DCC: variants seen among roughly 807,000 people sequenced by gnomAD.
DCC encodes netrin receptor DCC.
Under a neutral mutation model 172.5 loss-of-function variants are expected in DCC, and 58 were observed. That is an observed-to-expected ratio of 0.34 (90% CI 0.27 to 0.42). The LOEUF (loss-of-function observed/expected upper bound fraction) is 0.42. DCC is among the 10% of genes least tolerant of loss of function. The pLI is 1.00. For synonymous variants in DCC, 709 were observed against 644.5 expected, an observed-to-expected ratio of 1.10 and a Z score of -1.52; for missense variants, 1,740 against 1,791.0, an observed-to-expected ratio of 0.97 and a Z score of 0.51.
At chr18:52,968,113 T>A (rs2040965600) in intron 5 of DCC, among the ~76,000 whole-genome samples, 1 of 152,154 alleles carries the variant, frequency 6.6e-6, no homozygotes, top group African/African-American at 2.4e-5. Flanking sequence ...TTAGAATAGA[T>A]TTTGGTATTA....
chr18:53,322,126 T>C lies in DCC; in HGVS notation c.2133T>C (p.Tyr711=), dbSNP rs753258982. 3.1e-6 allele frequency: 5 copies of C among 1,589,102 alleles called. No homozygotes were observed. The highest frequency in any genetic ancestry group is 1.3e-5 in the African/African-American group (1 of 74,534). Residue 711 remains tyrosine (Y), a synonymous_variant, in exon 14 of 29, where the codon TAT becomes TAC. Coordinates refer to ENST00000442544, the MANE Select transcript of DCC (RefSeq NM_005215.4). ...VNGTGPPSNW[Y]TAETPENDLD... is the part of the protein sequence containing the mutation. Reference sequence around the variant, plus strand: ...GTACTGGACCACCTTCCAACTGGTATACTGCAGAGACTCCAGAGAATGATC... The same window carrying C: ...GTACTGGACCACCTTCCAACTGGTACACTGCAGAGACTCCAGAGAATGATC...
intron 1 of DCC, among the ~76,000 whole-genome samples, chr18:52,617,705 T>C (rs965126802): frequency 6.6e-6 from 1 of 152,190 alleles, no homozygotes; most frequent in African/African-American, 2.4e-5. Context: ...TCTCTTACTT[T>C]TTTTTAAATA....
intron 2 of DCC, among the ~76,000 whole-genome samples, chr18:52,758,253 A>T (rs2145143941): frequency 6.6e-6 from 1 of 152,332 alleles, no homozygotes; most frequent in Non-Finnish European, 1.5e-5. Flanking sequence ...TGATCTTTCT[A>T]GGAACACAAT....
chr18:52,491,506 T>C (rs2030500781), intron 1 of DCC, among the ~76,000 whole-genome samples: 1 of 152,188 alleles, frequency 6.6e-6, no homozygotes, highest in South Asian at 2.1e-4. Context: ...TTTATTTTAT[T>C]TTTCAAAATA....
rs368622647 is a variant in DCC, at chr18:52,898,316, C to T, written c.413-7728C>T. Among the ~76,000 whole-genome samples, 6 of 152,234 alleles carry T rather than the reference C, an allele frequency of 3.9e-5. No individual in the cohort carries two copies. The South Asian group carries it at 8.3e-4, about 21-fold the overall frequency. On this transcript the variant is annotated intron_variant, in intron 2 of 28. Coordinates refer to ENST00000442544, the MANE Select transcript of DCC (RefSeq NM_005215.4). ...CTGCCAAGAAGGCTAGAGGGCAAAT[C>T]GGAAGAATGTGCCATTTTCAGATTA...
intron 9 of DCC, among the ~76,000 whole-genome samples, chr18:53,199,449 A>G (rs1008939113): frequency 6.6e-6 from 1 of 152,122 alleles, no homozygotes; most frequent in African/African-American, 2.4e-5. Context: ...GCTCATGTGC[A>G]TGTAATGTAT....
chr18:52,354,822 T>G (rs1395054419), intron 1 of DCC, among the ~76,000 whole-genome samples: 1 of 152,232 alleles, frequency 6.6e-6, no homozygotes, highest in Admixed American at 6.5e-5. Context: ...AGGTTTATTC[T>G]GTTTTCTTTT....
intron 14 of DCC, among the ~76,000 whole-genome samples, chr18:53,329,997 T>C (rs1157923982): frequency 6.6e-6 from 1 of 152,220 alleles, no homozygotes; most frequent in Non-Finnish European, 1.5e-5. Flanking sequence ...CCAGTACTTT[T>C]AGCAGAACAG....
intron 17 of DCC, 145 bp downstream of exon 17, chr18:53,392,032 T>C (rs1908581362): frequency 1.5e-6 from 1 of 670,698 alleles, no homozygotes; most frequent in Non-Finnish European, 2.7e-6. Flanking sequence ...ACTCAATATC[T>C]AAGATTAACA....
At chr18:52,946,264 C>A (rs1031857447) in intron 5 of DCC, among the ~76,000 whole-genome samples, 1 of 152,162 alleles carries the variant, frequency 6.6e-6, no homozygotes. Flanking sequence ...AGAGATCAGC[C>A]TATTAATCCA....
At chr18:52,918,998 G>A (rs1359290885) in intron 3 of DCC, among the ~76,000 whole-genome samples, 1 of 152,114 alleles carries the variant, frequency 6.6e-6, no homozygotes. Context: ...TTTCTCTGCT[G>A]GTTACACTTG....
chr18:52,500,324 A>C (rs955823215), intron 1 of DCC, among the ~76,000 whole-genome samples: 12 of 152,184 alleles, frequency 7.9e-5, no homozygotes, highest in African/African-American at 2.9e-4. Flanking sequence ...GACTGAACAG[A>C]AACACTTTGA....
intron 7 of DCC, among the ~76,000 whole-genome samples, chr18:53,104,824 G>A (rs189557029): frequency 7.2e-5 from 11 of 152,108 alleles, no homozygotes; most frequent in Middle Eastern, 3.4e-3. Flanking sequence ...CTTGGGTCCC[G>A]AATGCTCAAG....
chr18:53,386,528 G>A (rs1338857930), intron 16 of DCC, among the ~76,000 whole-genome samples: 5 of 152,092 alleles, frequency 3.3e-5, no homozygotes, highest in African/African-American at 2.4e-5. Flanking sequence ...GTTGCCAAAT[G>A]CCTAAATAGA....
At chr18:52,342,864 A>T (rs1230724561) in intron 1 of DCC, among the ~76,000 whole-genome samples, 1 of 124,694 alleles carries the variant, frequency 8.0e-6, no homozygotes, top group Non-Finnish European at 1.6e-5. Context: ...TGTCTAAATT[A>T]ATTAAATATT....
chr18:53,340,287 T>C (rs1366427067), intron 15 of DCC, among the ~76,000 whole-genome samples: 3 of 152,180 alleles, frequency 2.0e-5, no homozygotes, highest in African/African-American at 7.2e-5. Flanking sequence ...GTCAACACAT[T>C]TTTCATCTTT....
chr18:52,907,342 A>G (rs1193077717), intron 3 of DCC, among the ~76,000 whole-genome samples: 28 of 150,480 alleles, frequency 1.9e-4, no homozygotes, highest in African/African-American at 2.4e-5. Flanking sequence ...GGATATATAC[A>G]TATATCATGT....
chr18:53,353,140 G>A (rs1267915496), intron 15 of DCC, among the ~76,000 whole-genome samples: 1 of 151,980 alleles, frequency 6.6e-6, no homozygotes. Flanking sequence ...AGCCAGATGT[G>A]GTGACACATG....
At chr18:52,635,207 T>TCATGAGG in intron 1 of DCC, among the ~76,000 whole-genome samples, 1 of 152,196 alleles carries the variant, frequency 6.6e-6, no homozygotes, top group Admixed American at 6.5e-5. Context: ...CAGGTTTTGA[T>TCATGAGG]TCAGATAACA....
Sources: allele counts gnomAD v4.1 joint callset (sites outside exome capture counted in the v4.1 genomes callset), GRCh38; gene constraint gnomAD v4.1.1; transcripts MANE v1.5; gene names NCBI Gene and HGNC (gene_info 2026-07-23, HGNC 2026-07-21).